Variants in PACSIN2 observed in about 807,000 individuals in gnomAD.
PACSIN2 encodes protein kinase C and casein kinase substrate in neurons 2.
In PACSIN2, 25 loss-of-function variants were observed where a neutral mutation model predicts 63.8. The ratio of observed to expected loss-of-function variants is 0.39; its 90% CI spans 0.29 to 0.55. PACSIN2 has a LOEUF of 0.55. PACSIN2 is among the 20% of genes least tolerant of loss of function. The probability of loss-of-function intolerance (pLI) is 0.62; values close to 1 mark genes in which losing one functional copy is unlikely to be tolerated. For missense variants in PACSIN2, 518 were observed against 646.9 expected (o/e 0.80, Z 2.16); for synonymous variants, 255 against 256.2 (o/e 1.00, Z 0.05).
At chr22:42,894,191 G>A (rs1434409362) in intron 2 of PACSIN2, among the ~76,000 whole-genome samples, 5 of 151,972 alleles carry the variant, frequency 3.3e-5, no homozygotes, top group Non-Finnish European at 7.4e-5. Context: ...GCTTAGAGAA[G>A]TTACGTGGTT....
Position 42,972,066 on chromosome 22 carries a change from G to T in PACSIN2, c.-78+42955C>A, listed in dbSNP as rs547318238. Among the ~76,000 whole-genome samples, 3 of 152,334 alleles carry T rather than the reference G, an allele frequency of 2.0e-5. No homozygotes were observed. In the East Asian group the frequency reaches 5.8e-4, roughly 29 times the overall value. ...GACAATGGCGGTTTTGTCCAATGGG[G>T]GGGGGAAATGTGGGGAAAAGAAAGA... On this transcript the variant is annotated intron_variant, in intron 1 of 10. Transcript: ENST00000263246.
intron 7 of PACSIN2, among the ~76,000 whole-genome samples, chr22:42,880,091 C>G (rs537861264): frequency 6.6e-6 from 1 of 152,346 alleles, no homozygotes; most frequent in South Asian, 2.1e-4. Flanking sequence ...TCCTTCCCCC[C>G]ATCTCCACCA....
chr22:42,882,152 C>T (rs746822729), intron 7 of PACSIN2, 32 bp downstream of exon 7: 1 of 1,612,506 alleles, frequency 6.2e-7, no homozygotes, highest in Non-Finnish European at 8.5e-7. Flanking sequence ...CTCTTCCAGG[C>T]TGATGAGCTC....
At chr22:42,879,649 C>G (rs969777298) in intron 7 of PACSIN2, among the ~76,000 whole-genome samples, 11 of 152,212 alleles carry the variant, frequency 7.2e-5, no homozygotes, top group Non-Finnish European at 1.6e-4. Flanking sequence ...GCTGAAGATC[C>G]TTTGCGTCGA....
At chr22:42,999,787 G>A (rs1923649281) in intron 1 of PACSIN2, among the ~76,000 whole-genome samples, 1 of 152,188 alleles carries the variant, frequency 6.6e-6, no homozygotes, top group Non-Finnish European at 1.5e-5. Context: ...GACCACCAGT[G>A]CTTTGAAGAG....
chr22:42,882,199 G>T lies in PACSIN2; in HGVS notation c.891C>A (p.Asn297Lys). The T allele has an allele frequency of 6.2e-7, 1 of 1,614,072 alleles. No homozygotes were observed. The highest frequency in any genetic ancestry group is 8.5e-7 in the Non-Finnish European group (1 of 1,180,010). ...RANHGPGMAMNWPQFEEWSAD... is the reference protein window; with the variant it reads ...RANHGPGMAMKWPQFEEWSAD... ...CTCCTCTTACCTCAAACTGCGGCCA[G>T]TTCATGGCCATGCCCGGCCCGTGAT... The change falls in exon 7 of 11, where the codon AAC (asparagine) becomes AAA (lysine). Residue 297 changes from asparagine to lysine, a missense_variant. This residue lies in a region of PACSIN2 where 507 missense variants were observed against 612.3 expected (regional missense o/e 0.83). Coordinates refer to ENST00000263246, the MANE Select transcript of PACSIN2 (RefSeq NM_001184970.3).
chr22:42,890,004 C>CTTT (rs573073554), intron 4 of PACSIN2, among the ~76,000 whole-genome samples: 4 of 137,034 alleles, frequency 2.9e-5, no homozygotes, highest in South Asian at 2.3e-4. Context: ...GCCAAAGGGA[C>CTTT]TTTTTTTTTT....
chr22:42,987,164 C>T (rs9623731), intron 1 of PACSIN2, among the ~76,000 whole-genome samples: 1,877 of 152,122 alleles, frequency 0.012, 44 homozygotes, highest in African/African-American at 0.044. Context: ...GGGTTCAAAC[C>T]CTGACTCTGT....
At chr22:42,939,756 A>G (rs1436274698) in intron 1 of PACSIN2, among the ~76,000 whole-genome samples, 1 of 152,144 alleles carries the variant, frequency 6.6e-6, no homozygotes, top group Non-Finnish European at 1.5e-5. Context: ...TTCCTTACCT[A>G]CAAGAGGGAG....
At chr22:42,981,408 C>T (rs1393693358) in intron 1 of PACSIN2, among the ~76,000 whole-genome samples, 7 of 132,804 alleles carry the variant, frequency 5.3e-5, no homozygotes, top group African/African-American at 8.9e-5. Flanking sequence ...TGAGGGGCGC[C>T]TCTGCCCGGC....
At chr22:42,931,237 C>T (rs1476088305) in intron 1 of PACSIN2, among the ~76,000 whole-genome samples, 11 of 152,240 alleles carry the variant, frequency 7.2e-5, no homozygotes. Flanking sequence ...TGAATGAATC[C>T]CAGCCTTGCT....
intron 1 of PACSIN2, among the ~76,000 whole-genome samples, chr22:42,927,163 C>G (rs1344328510): frequency 6.6e-6 from 1 of 152,232 alleles, no homozygotes; most frequent in Non-Finnish European, 1.5e-5. Flanking sequence ...ACTTCACTGT[C>G]CTTGCAGCCA....
chr22:42,978,147 T>A (rs557312030), intron 1 of PACSIN2, among the ~76,000 whole-genome samples: 1 of 152,346 alleles, frequency 6.6e-6, no homozygotes, highest in Admixed American at 6.5e-5. Flanking sequence ...TTTTTTCAAT[T>A]ATTTGTTATC....
intron 2 of PACSIN2, among the ~76,000 whole-genome samples, chr22:42,896,997 C>T (rs1489546955): frequency 2.0e-5 from 3 of 152,080 alleles, no homozygotes; most frequent in African/African-American, 7.2e-5. Flanking sequence ...AGTGCAGTGC[C>T]ACAATCATGG....
At chr22:42,882,134 C>T (rs1353637495) in intron 7 of PACSIN2, 50 bp downstream of exon 7, 3 of 1,604,136 alleles carry the variant, frequency 1.9e-6, no homozygotes, top group Non-Finnish European at 1.7e-6. Flanking sequence ...ACTCTGTGGG[C>T]CCAGGTCCTC....
At chr22:43,006,931 C>A (rs1486520223) in intron 1 of PACSIN2, among the ~76,000 whole-genome samples, 4 of 152,164 alleles carry the variant, frequency 2.6e-5, no homozygotes, top group Non-Finnish European at 5.9e-5. Flanking sequence ...CTCGAAAAGC[C>A]CTTCTCATTA....
At chr22:42,885,058 C>T (rs1182352335) in intron 5 of PACSIN2, among the ~76,000 whole-genome samples, 1 of 152,206 alleles carries the variant, frequency 6.6e-6, no homozygotes, top group East Asian at 1.9e-4. Context: ...AAAAAGTCCT[C>T]CTTCTCTTGT....
chr22:42,939,962 C>T (rs565445331), intron 1 of PACSIN2, among the ~76,000 whole-genome samples: 1 of 152,342 alleles, frequency 6.6e-6, no homozygotes, highest in South Asian at 2.1e-4. Context: ...TCTACCCGGC[C>T]TTCAATAAAC....
rs115518889 is a variant in PACSIN2, at chr22:42,935,839, C to G, written c.-77-23682G>C. On this transcript the variant is annotated intron_variant, in intron 1 of 10. Coordinates refer to ENST00000263246, the MANE Select transcript of PACSIN2 (RefSeq NM_001184970.3). ...GGCATCCCAGGGGCTCCATGGCACC[C>G]CTGAGAGATGACCTAGCCATCAAGT... Among the ~76,000 whole-genome samples, 472 of 152,180 alleles carry G rather than the reference C, an allele frequency of 3.1e-3. 3 individuals are homozygous for G. The highest frequency in any genetic ancestry group is 0.011 in the African/African-American group (465 of 41,506).
Sources: allele counts gnomAD v4.1 joint callset (sites outside exome capture counted in the v4.1 genomes callset), GRCh38; gene constraint gnomAD v4.1.1; regional missense constraint gnomAD v4.1.1; transcripts MANE v1.5; gene names NCBI Gene and HGNC (gene_info 2026-07-23, HGNC 2026-07-21).